EPAS1: variants seen among roughly 807,000 people sequenced by gnomAD.
EPAS1 encodes endothelial PAS domain protein 1, also known as endothelial PAS domain-containing protein 1.
A neutral mutation model predicts 87.9 loss-of-function variants in EPAS1; 23 were observed. The observed-to-expected ratio is 0.26, with a 90% confidence interval of 0.19 to 0.37. The LOEUF (loss-of-function observed/expected upper bound fraction) is 0.37, where lower values mean the gene tolerates loss of function less well. Ranked by LOEUF, EPAS1 falls within the 10% of genes least tolerant of loss-of-function variation. EPAS1 has a pLI of 1.00. For missense variants in EPAS1, 1,138 were observed against 1,120.7 expected, an observed-to-expected ratio of 1.02 and a Z score of -0.22; for synonymous variants, 508 against 444.3, an observed-to-expected ratio of 1.14 and a Z score of -1.80.
chr2:46,364,234 C>T (rs1169791401), intron 6 of EPAS1, among the ~76,000 whole-genome samples: 2 of 152,160 alleles, frequency 1.3e-5, no homozygotes, highest in African/African-American at 4.8e-5. Context: ...CTGAGACACA[C>T]AAGGTGCTGT....
intron 1 of EPAS1, among the ~76,000 whole-genome samples, chr2:46,329,917 T>C (rs1683641716): frequency 6.6e-6 from 1 of 152,166 alleles, no homozygotes; most frequent in African/African-American, 2.4e-5. Context: ...CTGTGGAATA[T>C]TACACATTTT....
At chr2:46,352,324 A>G (rs926398460) in intron 2 of EPAS1, among the ~76,000 whole-genome samples, 4 of 152,240 alleles carry the variant, frequency 2.6e-5, no homozygotes, top group African/African-American at 7.2e-5. Flanking sequence ...TTCCGAGGGA[A>G]GGAACTGCCC....
intron 6 of EPAS1, among the ~76,000 whole-genome samples, chr2:46,368,790 A>G (rs544964576): frequency 1.3e-5 from 2 of 152,350 alleles, no homozygotes; most frequent in African/African-American, 4.8e-5. Context: ...CAAGTAAACA[A>G]GACAGTGAAG....
intron 1 of EPAS1, among the ~76,000 whole-genome samples, chr2:46,329,960 G>T (rs140671876): frequency 6.6e-6 from 1 of 152,308 alleles, no homozygotes; most frequent in African/African-American, 2.4e-5. Context: ...CAGCCAAGAA[G>T]TTCACTTATA....
intron 3 of EPAS1, 89 bp downstream of exon 3, chr2:46,356,391 G>C (rs1003642321): frequency 6.5e-7 from 1 of 1,542,576 alleles, no homozygotes; most frequent in Non-Finnish European, 8.9e-7. Context: ...AATCCCACTT[G>C]ACCTCTCCCT....
intron 15 of EPAS1, 44 bp downstream of exon 15, chr2:46,382,642 G>A: frequency 6.2e-7 from 1 of 1,610,864 alleles, no homozygotes. Context: ...AGGATTCGAT[G>A]CCAGGGGAAG....
At chr2:46,336,982 C>T (rs997815996) in intron 1 of EPAS1, among the ~76,000 whole-genome samples, 1 of 152,198 alleles carries the variant, frequency 6.6e-6, no homozygotes, top group African/African-American at 2.4e-5. Context: ...CCTTGAGTGT[C>T]CGCAGGGTGA....
At chr2:46,326,455 A>C (rs934041432) in intron 1 of EPAS1, among the ~76,000 whole-genome samples, 1 of 152,130 alleles carries the variant, frequency 6.6e-6, no homozygotes, top group Non-Finnish European at 1.5e-5. Context: ...ACGTGACTGT[A>C]AGGTTGTGCA....
At chr2:46,324,152 C>T (rs530012640) in intron 1 of EPAS1, among the ~76,000 whole-genome samples, 2 of 152,294 alleles carry the variant, frequency 1.3e-5, no homozygotes, top group South Asian at 2.1e-4. Flanking sequence ...CTGCAAGCTC[C>T]GCCTTCTGGG....
At chr2:46,305,514 A>G (rs558708413) in intron 1 of EPAS1, among the ~76,000 whole-genome samples, 1 of 152,296 alleles carries the variant, frequency 6.6e-6, no homozygotes, top group African/African-American at 2.4e-5. Flanking sequence ...AGTAATTTCC[A>G]TGCCAGATAA....
intron 6 of EPAS1, among the ~76,000 whole-genome samples, chr2:46,367,244 T>C (rs1684521960): frequency 6.6e-6 from 1 of 152,222 alleles, no homozygotes. Flanking sequence ...AACATTTTAA[T>C]TTAAAGATTC....
Position 46,356,228 on chromosome 2 carries a change from A to T in EPAS1, c.295A>T (p.Ile99Phe), listed in dbSNP as rs372762773. Residue 99 changes from isoleucine to phenylalanine, a missense_variant, in exon 3 of 16, where the codon ATT becomes TTT. By Grantham distance (21) the Ile-to-Phe change is conservative. Around this residue, in one of 4 missense-constraint regions of EPAS1, gnomAD observed 351 missense variants for 417.1 expected, o/e 0.84. Transcript: ENST00000263734. The part of the protein sequence containing the change: ...NLYLKALEGF[I>F]AVVTQDGDMI... ...GTACCTGAAAGCCTTGGAGGGTTTC[A>T]TTGCCGTGGTGACCCAAGATGGCGA... The T allele has an allele frequency of 6.2e-7, 1 of 1,613,014 alleles. No homozygotes were observed. Among genetic ancestry groups the T allele is most frequent in the African/African-American group, 1.3e-5 (1 of 74,582 alleles).
At position 46,360,706 on chromosome 2, in the gene EPAS1, A is replaced by T. The variant is rs759884897; in HGVS notation, c.523A>T (p.Thr175Ser). 6.2e-7 allele frequency: 1 copy of T among 1,614,046 alleles called. No individual in the cohort carries two copies. The change falls in exon 5 of 16, where the codon ACG becomes TCG. Residue 175 changes from threonine to serine, a missense_variant. Thr to Ser is a moderately conservative substitution (Grantham distance 58). Transcript: ENST00000263734. This position sits in a 1 kb window ranked among gnomAD's most constrained non-coding sequence, Gnocchi z 4.5. ...GGACTTCTTCATGAGGATGAAGTGC[A>T]CGGTCACCAACAGAGGCCGTACTGT... ...ERDFFMRMKC[T>S]VTNRGRTVNL...
chr2:46,335,380 G>A (rs997482794), intron 1 of EPAS1, among the ~76,000 whole-genome samples: 5 of 151,628 alleles, frequency 3.3e-5, no homozygotes, highest in African/African-American at 9.7e-5. Context: ...TGTCTGTCCC[G>A]GTTATGTGCA....
At chr2:46,333,701 G>C (rs1004929767) in intron 1 of EPAS1, among the ~76,000 whole-genome samples, 5 of 152,086 alleles carry the variant, frequency 3.3e-5, no homozygotes, top group Non-Finnish European at 7.4e-5. Context: ...AGCACGTCCA[G>C]CTTGGACTTC....
Position 46,379,492 on chromosome 2 carries a change from A to G in EPAS1, c.1554+725A>G, listed in dbSNP as rs79633638. 2.9e-3 allele frequency among the ~76,000 whole-genome samples: 443 copies of G among 152,280 alleles called. 6 individuals carry two copies. Among genetic ancestry groups the G allele is most frequent in the African/African-American group, 0.01 (429 of 41,550 alleles). On this transcript the variant is annotated intron_variant, in intron 11 of 15. Coordinates refer to ENST00000263734, the MANE Select transcript of EPAS1 (RefSeq NM_001430.5). ...CCTCCCTCCTCAGCACTCCTGTAGT[A>G]TATATCATGTGGCACTTAATCACAG...
chr2:46,319,097 C>CAGTG (rs1411858823), intron 1 of EPAS1, among the ~76,000 whole-genome samples: 1 of 152,140 alleles, frequency 6.6e-6, no homozygotes, highest in African/African-American at 2.4e-5. Context: ...TATTTCTGAC[C>CAGTG]AGTGTGTTAG....
intron 1 of EPAS1, among the ~76,000 whole-genome samples, chr2:46,330,851 G>A (rs62136992): frequency 0.031 from 4,733 of 152,164 alleles, 95 homozygotes; most frequent in Non-Finnish European, 0.045. Context: ...ATCTTTTTGG[G>A]ACTCCTTTAC....
chr2:46,329,477 T>C (rs572124300), intron 1 of EPAS1, among the ~76,000 whole-genome samples: 20 of 152,182 alleles, frequency 1.3e-4, no homozygotes, highest in Non-Finnish European at 2.4e-4. Flanking sequence ...CTTTTCCCCT[T>C]GGAGACCTTG....
Sources: allele counts gnomAD v4.1 joint callset (sites outside exome capture counted in the v4.1 genomes callset), GRCh38; gene constraint gnomAD v4.1.1; regional missense constraint gnomAD v4.1.1; non-coding constraint Gnocchi (gnomAD v3.1); transcripts MANE v1.5; gene names NCBI Gene and HGNC (gene_info 2026-07-23, HGNC 2026-07-21).